SATB2: variants seen among roughly 807,000 people sequenced by gnomAD.
SATB2 encodes DNA-binding protein SATB2.
A neutral mutation model predicts 73.4 loss-of-function variants in SATB2; 1 was observed. The observed-to-expected ratio is 0.01, with a 90% CI of 0.00 to 0.06. The LOEUF (loss-of-function observed/expected upper bound fraction) is 0.06, where lower values mean the gene tolerates loss of function less well. Ranked by LOEUF, SATB2 falls within the 10% of genes least tolerant of loss-of-function variation. SATB2 has a pLI of 1.00. For missense variants in SATB2, 459 were observed against 945.8 expected (o/e 0.49, Z 6.75); for synonymous variants, 397 against 367.0 (o/e 1.08, Z -0.93).
intron 2 of SATB2, among the ~76,000 whole-genome samples, chr2:199,443,021 ATT>A (rs10673737): frequency 2.2e-5 from 3 of 133,550 alleles, no homozygotes; most frequent in Non-Finnish European, 1.6e-5. Flanking sequence ...GTTTCTGAGA[ATT>A]TTTTTTTTTT....
intron 7 of SATB2, among the ~76,000 whole-genome samples, chr2:199,331,996 CCTG>C (rs1317112563): frequency 6.6e-6 from 1 of 151,980 alleles, no homozygotes; most frequent in East Asian, 1.9e-4. Context: ...CATTATGCAG[CCTG>C]GGATACAGAA....
chr2:199,324,493 C>T (rs1209203124), intron 8 of SATB2, among the ~76,000 whole-genome samples: 2 of 152,110 alleles, frequency 1.3e-5, no homozygotes, highest in African/African-American at 4.8e-5. Flanking sequence ...AGACAGTCAC[C>T]TAATTTCACC....
chr2:199,343,458 T>C (rs896437935), intron 7 of SATB2, among the ~76,000 whole-genome samples: 2 of 152,246 alleles, frequency 1.3e-5, no homozygotes, highest in Non-Finnish European at 2.9e-5. Flanking sequence ...TCTAAACGTT[T>C]GGAAAATCTA....
intron 6 of SATB2, among the ~76,000 whole-genome samples, chr2:199,360,915 C>T (rs1234309854): frequency 6.6e-6 from 1 of 152,036 alleles, no homozygotes; most frequent in Non-Finnish European, 1.5e-5. Flanking sequence ...CTCTCCCCTG[C>T]CCCTCCACTG....
At chr2:199,379,615 C>A (rs1047119168) in intron 5 of SATB2, among the ~76,000 whole-genome samples, 29 of 152,064 alleles carry the variant, frequency 1.9e-4, no homozygotes, top group African/African-American at 6.7e-4. Flanking sequence ...ACACTGGTCC[C>A]TATCTCCGAT....
chr2:199,349,843 T>C (rs1688762011), intron 6 of SATB2, among the ~76,000 whole-genome samples: 1 of 152,216 alleles, frequency 6.6e-6, no homozygotes, highest in South Asian at 2.1e-4. Flanking sequence ...CCTCAGGTTA[T>C]CTGCTTTATT....
rs145720905 is a variant in SATB2 at position 199,303,984 on chromosome 2, G to C, written c.1740+4776C>G. ...AATAAAGCACAAATGACACAGAGAG[G>C]AACAATTTGGCAAGTGCTCCCTAAT... On this transcript the variant is annotated intron_variant, in intron 10 of 10. Transcript: ENST00000417098. Among the ~76,000 whole-genome samples, 17 of 152,266 alleles carry C rather than the reference G, an allele frequency of 1.1e-4. No homozygotes were observed. The East Asian group carries it at 3.3e-3, about 29-fold the overall frequency.
chr2:199,376,862 C>T (rs934688826), intron 5 of SATB2, among the ~76,000 whole-genome samples: 1 of 152,134 alleles, frequency 6.6e-6, no homozygotes, highest in African/African-American at 2.4e-5. Flanking sequence ...AAGATAATTT[C>T]ATCAAGTAGA....
chr2:199,311,639 T>A (rs759129197), intron 9 of SATB2, among the ~76,000 whole-genome samples: 2 of 152,220 alleles, frequency 1.3e-5, no homozygotes, highest in African/African-American at 2.4e-5. Context: ...GTATTTATTT[T>A]GTATCTGAAC....
rs532702603 is a variant in SATB2 at position 199,432,668 on chromosome 2, T to C, written c.346+670A>G. Among the ~76,000 whole-genome samples the C allele has an allele frequency of 3.3e-5, 5 of 152,290 alleles. No homozygotes were observed. The East Asian group carries it at 9.6e-4, about 29-fold the overall frequency. The stretch of plus-strand genomic sequence containing the variant: ...TCACTCAAGGTTTGGGGAGAATTTT[T>C]GTTATTATTTGTTTTGTCAATTCTT... On this transcript the variant is annotated intron_variant, in intron 3 of 10. Coordinates refer to ENST00000417098, the MANE Select transcript of SATB2 (RefSeq NM_001172509.2).
At chr2:199,416,968 G>A (rs559306484) in intron 3 of SATB2, among the ~76,000 whole-genome samples, 14 of 151,766 alleles carry the variant, frequency 9.2e-5, no homozygotes, top group African/African-American at 3.1e-4. Flanking sequence ...CCCGGGAGGC[G>A]GAGCTTGCAG....
chr2:199,329,113 T>C, intron 7 of SATB2: 1 of 618,272 alleles, frequency 1.6e-6, no homozygotes, highest in Non-Finnish European at 2.9e-6. Flanking sequence ...AGGACTGTTC[T>C]ATTCTGACAC....
chr2:199,303,337 A>G (rs960926529), intron 10 of SATB2, among the ~76,000 whole-genome samples: 2 of 152,198 alleles, frequency 1.3e-5, no homozygotes, highest in Admixed American at 6.5e-5. Context: ...GCTCTCAAAA[A>G]GGCTACTTAC....
At chr2:199,448,315 T>A (rs1261584740) in intron 2 of SATB2, among the ~76,000 whole-genome samples, 1 of 152,170 alleles carries the variant, frequency 6.6e-6, no homozygotes, top group Admixed American at 6.5e-5. Context: ...ATTTTTACTT[T>A]ATGCCTTTGG....
intron 3 of SATB2, among the ~76,000 whole-genome samples, chr2:199,416,863 T>C (rs748329122): frequency 2.0e-5 from 3 of 152,006 alleles, no homozygotes; most frequent in Non-Finnish European, 4.4e-5. Context: ...GGTGAAACCC[T>C]ATCTCTACTA....
At chr2:199,440,638 A>G (rs1351588926) in intron 2 of SATB2, among the ~76,000 whole-genome samples, 1 of 152,130 alleles carries the variant, frequency 6.6e-6, no homozygotes, top group African/African-American at 2.4e-5. Context: ...CAGCTGCTCC[A>G]GTTTTCAACG....
At chr2:199,394,184 T>C (rs1254953805) in intron 3 of SATB2, among the ~76,000 whole-genome samples, 2 of 152,216 alleles carry the variant, frequency 1.3e-5, no homozygotes, top group African/African-American at 2.4e-5. Context: ...CACAAATAAG[T>C]AATCCCCTCT....
intron 8 of SATB2, among the ~76,000 whole-genome samples, chr2:199,324,672 A>C (rs143890751): frequency 6.6e-6 from 1 of 152,206 alleles, no homozygotes; most frequent in Non-Finnish European, 1.5e-5. Flanking sequence ...AATGAAGGAC[A>C]ATATAGAAGT....
In SATB2 at chr2:199,456,025, T is replaced by C; in HGVS notation, c.13A>G (p.Ser5Gly). The C allele has an allele frequency of 7.1e-7, 1 of 1,416,362 alleles. No individual in the cohort carries two copies. The highest frequency in any genetic ancestry group is 1.2e-5 in the South Asian group (1 of 82,890). The allele number at this position is 1,416,362 out of a possible 1,614,324, so 87.7% of individuals were successfully genotyped here. Residue 5 changes from serine (S) to glycine (G), a missense_variant, in exon 2 of 11, where the codon AGC becomes GGC. Ser to Gly is a moderately conservative substitution (Grantham distance 56). Around this residue, in one of 13 missense-constraint regions of SATB2, gnomAD observed 74 missense variants for 113.3 expected, o/e 0.65. Transcript: ENST00000417098. ...CTGTCCCGCAGACACGGGCTCTCGCTCCGCCGCTCCATGCTGCTCCGACTC... is the reference window on the plus strand; with the variant it reads ...CTGTCCCGCAGACACGGGCTCTCGCCCCGCCGCTCCATGCTGCTCCGACTC... MERR[S>G]ESPCLRDSPD...
Sources: allele counts gnomAD v4.1 joint callset (sites outside exome capture counted in the v4.1 genomes callset), GRCh38; gene constraint gnomAD v4.1.1; regional missense constraint gnomAD v4.1.1; transcripts MANE v1.5; gene names NCBI Gene and HGNC (gene_info 2026-07-23, HGNC 2026-07-21).